Variants in DCDC2 observed in about 807,000 individuals in gnomAD.
DCDC2 encodes doublecortin domain-containing protein 2.
Under a neutral mutation model 50.2 loss-of-function variants are expected in DCDC2, and 40 were observed. The ratio of observed to expected loss-of-function variants is 0.80; its 90% CI spans 0.62 to 1.04. The LOEUF is 1.04. Ranked by LOEUF, DCDC2 falls within the 50% of genes least tolerant of loss-of-function variation. The probability of loss-of-function intolerance (pLI) is 0.00; values close to 1 mark genes in which losing one functional copy is unlikely to be tolerated. For missense variants in DCDC2, 570 were observed against 581.9 expected, an observed-to-expected ratio of 0.98 and a Z score of 0.21; for synonymous variants, 234 against 210.6, an observed-to-expected ratio of 1.11 and a Z score of -0.96.
At chr6:24,245,950 G>A (rs2113795008) in intron 7 of DCDC2, among the ~76,000 whole-genome samples, 1 of 152,284 alleles carries the variant, frequency 6.6e-6, no homozygotes, top group South Asian at 2.1e-4. Context: ...AATCCCAGCT[G>A]TAGAGAATAT....
chr6:24,185,802 T>C (rs1761191725), intron 8 of DCDC2, among the ~76,000 whole-genome samples: 1 of 152,092 alleles, frequency 6.6e-6, no homozygotes, highest in African/African-American at 2.4e-5. Flanking sequence ...TATGTAACTA[T>C]TCTTTAGGAT....
chr6:24,309,922 GA>G (rs1249129221), intron 2 of DCDC2, among the ~76,000 whole-genome samples: 1 of 152,074 alleles, frequency 6.6e-6, no homozygotes, highest in Non-Finnish European at 1.5e-5. Flanking sequence ...TTGAGCCCAG[GA>G]GTTCAGGACC....
Position 24,174,830 on chromosome 6 carries a change from T to C in DCDC2, c.1331A>G (p.Asp444Gly). Reference protein sequence around the residue: ...QGAGSGQDEADVDPQRPPRPE... With the variant: ...QGAGSGQDEAGVDPQRPPRPE... ...CCTTGGTGGTCTTTGAGGGTCTACA[T>C]CAGCCTAGAAGAAAATAGATCAAAA... Residue 444 changes from aspartate (D) to glycine (G), a missense_variant, in exon 10 of 10, where the codon GAT (aspartate) becomes GGT (glycine). Transcript: ENST00000378454. The C allele has an allele frequency of 2.5e-6, 4 of 1,609,830 alleles. No homozygotes were observed. Among genetic ancestry groups the C allele is most frequent in the Non-Finnish European group, 3.4e-6 (4 of 1,176,784 alleles).
intron 7 of DCDC2, among the ~76,000 whole-genome samples, chr6:24,207,541 A>T (rs976914835): frequency 2.6e-5 from 4 of 152,116 alleles, no homozygotes; most frequent in African/African-American, 9.7e-5. Context: ...ATGCACTAAG[A>T]TCTACTGCAT....
intron 2 of DCDC2, among the ~76,000 whole-genome samples, chr6:24,327,266 T>C (rs570939921): frequency 6.7e-6 from 1 of 149,448 alleles, no homozygotes; most frequent in South Asian, 2.2e-4. Flanking sequence ...CCCTGAGATC[T>C]CTCTCCCTTA....
At chr6:24,301,636 G>A in intron 4 of DCDC2, 79 bp downstream of exon 4, 1 of 1,549,970 alleles carries the variant, frequency 6.5e-7, no homozygotes, top group Non-Finnish European at 8.8e-7. Context: ...CAAATCCACA[G>A]ACCAGTGACT....
intron 7 of DCDC2, among the ~76,000 whole-genome samples, chr6:24,221,833 T>C (rs1770907): frequency 0.64 from 97,758 of 151,828 alleles, 32,618 homozygotes; most frequent in Non-Finnish European, 0.73. Flanking sequence ...TGATGCCTTT[T>C]ATTACACCCA....
At chr6:24,276,500 C>T (rs1206122354) in intron 7 of DCDC2, among the ~76,000 whole-genome samples, 3 of 151,814 alleles carry the variant, frequency 2.0e-5, no homozygotes, top group African/African-American at 7.3e-5. Flanking sequence ...TTTAAACTTC[C>T]ATCATTCATT....
chr6:24,285,161 T>A lies in DCDC2; in HGVS notation c.759+3691A>T, dbSNP rs807718. On this transcript the variant is annotated intron_variant, in intron 6 of 9. Coordinates refer to ENST00000378454, the MANE Select transcript of DCDC2 (RefSeq NM_016356.5). ...TGGCACTTAGTAGGAGCTCAGTGAG[T>A]ATGTTTGGAATGGATGACGGATGGA... is the stretch of plus-strand genomic sequence containing the variant. Among the ~76,000 whole-genome samples the A allele has an allele frequency of 1.0e-2, 1,517 of 152,054 alleles. 29 individuals carry two copies. The highest frequency in any genetic ancestry group is 0.034 in the African/African-American group (1,409 of 41,468).
chr6:24,238,950 T>C (rs569637065), intron 7 of DCDC2, among the ~76,000 whole-genome samples: 2 of 152,320 alleles, frequency 1.3e-5, no homozygotes, highest in South Asian at 4.1e-4. Flanking sequence ...GGAGAGAGTA[T>C]TAGCTTTAAA....
At chr6:24,362,912 T>G (rs1470722173), upstream of DCDC2, among the ~76,000 whole-genome samples, 5 of 152,180 alleles carry the variant, frequency 3.3e-5, no homozygotes, top group Non-Finnish European at 5.9e-5. Context: ...TGAATTGGTT[T>G]TGGAGCTCTT....
intron 7 of DCDC2, among the ~76,000 whole-genome samples, chr6:24,276,597 G>A (rs576910939): frequency 1.3e-5 from 2 of 152,112 alleles, no homozygotes; most frequent in African/African-American, 2.4e-5. Flanking sequence ...AAGGCTTTGG[G>A]GGCCTCACAA....
rs867618404 is a variant in DCDC2 at position 24,265,641 on chromosome 6, A to G, written c.922+12408T>C. Among the ~76,000 whole-genome samples the G allele has an allele frequency of 5.9e-5, 9 of 152,306 alleles. No homozygotes were observed. In the South Asian group the frequency reaches 1.0e-3, roughly 18 times the overall value. On this transcript the variant is annotated intron_variant, in intron 7 of 9. Coordinates refer to ENST00000378454, the MANE Select transcript of DCDC2 (RefSeq NM_016356.5). ...AACTGTACAAGTACATGGAAACTAAATAATATGCTCCTAAATGACCAATGG... is the reference window on the plus strand; with the variant it reads ...AACTGTACAAGTACATGGAAACTAAGTAATATGCTCCTAAATGACCAATGG...
intron 2 of DCDC2, among the ~76,000 whole-genome samples, chr6:24,320,969 A>AC (rs912432120): frequency 5.9e-5 from 9 of 151,834 alleles, no homozygotes; most frequent in African/African-American, 2.2e-4. Context: ...AAAAAAAAAA[A>AC]AAAAACAGCA....
rs190351003 is a variant in DCDC2, at chr6:24,250,092, G to A, written c.922+27957C>T. ...AAGTCCTTTTTGATTTTTTACCCGGGTCCCGGCAGCCTCCCTCCCCCATCC... is the reference window on the plus strand; with the variant it reads ...AAGTCCTTTTTGATTTTTTACCCGGATCCCGGCAGCCTCCCTCCCCCATCC... On this transcript the variant is annotated intron_variant, in intron 7 of 9. Transcript: ENST00000378454. Among the ~76,000 whole-genome samples, 58 of 152,166 alleles carry A rather than the reference G, an allele frequency of 3.8e-4. 1 individual carries two copies. The East Asian group carries it at 0.011, about 29-fold the overall frequency.
intron 2 of DCDC2, among the ~76,000 whole-genome samples, chr6:24,304,834 G>A (rs1045347072): frequency 6.6e-6 from 1 of 152,054 alleles, no homozygotes; most frequent in Admixed American, 6.6e-5. Context: ...GAGACAGGGT[G>A]TTGCTCTGTC....
chr6:24,235,551 A>G (rs1306286989), intron 7 of DCDC2, among the ~76,000 whole-genome samples: 1 of 152,210 alleles, frequency 6.6e-6, no homozygotes, highest in Non-Finnish European at 1.5e-5. Flanking sequence ...AAAAAACCAT[A>G]TGATCATCTC....
intron 7 of DCDC2, among the ~76,000 whole-genome samples, chr6:24,265,189 A>AT (rs1294796769): frequency 1.2e-4 from 19 of 152,196 alleles, no homozygotes; most frequent in Admixed American, 1.3e-4. Context: ...AGGTCATTAT[A>AT]TAATGATAAA....
At chr6:24,320,921 C>A in intron 2 of DCDC2, among the ~76,000 whole-genome samples, 1 of 148,858 alleles carries the variant, frequency 6.7e-6, no homozygotes, top group South Asian at 2.1e-4. Context: ...AAGCCTGGAA[C>A]ATCTTGTGGT....
Sources: gnomAD v4.1 joint callset for allele counts (sites outside exome capture counted in the v4.1 genomes callset) on GRCh38, gnomAD v4.1.1 for gene constraint, MANE v1.5 for transcripts, NCBI Gene and HGNC (gene_info 2026-07-23, HGNC 2026-07-21) for gene names.